POLE: variants seen among roughly 807,000 people sequenced by gnomAD.
The protein encoded by POLE is DNA polymerase epsilon, catalytic subunit.
A neutral mutation model predicts 279.2 loss-of-function variants in POLE; 188 were observed. The observed-to-expected ratio is 0.67, with a 90% CI of 0.60 to 0.76. The LOEUF (loss-of-function observed/expected upper bound fraction) is 0.76, where lower values mean the gene tolerates loss of function less well. POLE is among the 30% of genes least tolerant of loss of function. The pLI, the probability that POLE is intolerant of heterozygous loss-of-function variation, is 0.00. For synonymous variants in POLE, 1,214 were observed against 1,172.5 expected, an observed-to-expected ratio of 1.04 and a Z score of -0.72; for missense variants, 2,703 against 3,016.7, an observed-to-expected ratio of 0.90 and a Z score of 2.44.
At chr12:132,625,292 C>T (rs773587982) in intron 47 of POLE, 92 of 726,014 alleles carry the variant, frequency 1.3e-4, no homozygotes, top group Admixed American at 8.2e-4. Flanking sequence ...CACCACCACA[C>T]GGCAGCTTGG....
chr12:132,683,727 A>G (rs1035132075), intron 1 of POLE, among the ~76,000 whole-genome samples: 3 of 152,256 alleles, frequency 2.0e-5, no homozygotes, highest in African/African-American at 7.2e-5. Flanking sequence ...ACGGCCCTCT[A>G]TGCCAGTCCT....
In POLE at chr12:132,668,625, C is replaced by T. The variant is rs1282226694; in HGVS notation, c.2026+10G>A. 7 of 1,606,848 alleles carry T rather than the reference C, an allele frequency of 4.4e-6. No homozygotes were observed. The highest frequency in any genetic ancestry group is 2.2e-5 in the East Asian group (1 of 44,668). On this transcript the variant is annotated intron_variant, in intron 18 of 48. Coordinates refer to ENST00000320574, the MANE Select transcript of POLE (RefSeq NM_006231.4). The surrounding 1 kb of genome is among the most constrained non-coding windows in gnomAD (Gnocchi z 4.0). The stretch of plus-strand genomic sequence containing the variant: ...CCCACCGAGTGCCCACCCAGGCGGC[C>T]GACACTCACTGAACTCGCCCCTCCA...
At chr12:132,645,184 G>C (rs538016620) in intron 32 of POLE, among the ~76,000 whole-genome samples, 31 of 102,328 alleles carry the variant, frequency 3.0e-4, no homozygotes, top group African/African-American at 1.1e-3. Flanking sequence ...GGGTCTGGGA[G>C]AGCTGGAGAG....
In POLE at chr12:132,661,853, G is replaced by A. The variant is rs1359261814; in HGVS notation, c.2707-169C>T. ...AAGTTCTGATGCATGCAACCAAGTG[G>A]TGAAACTCAGGTGTATCTGTTAGGT... On this transcript the variant is annotated intron_variant, in intron 23 of 48. Coordinates refer to ENST00000320574, the MANE Select transcript of POLE (RefSeq NM_006231.4). This position sits in a 1 kb window ranked among gnomAD's most constrained non-coding sequence, Gnocchi z 4.1. Among the ~76,000 whole-genome samples the A allele has an allele frequency of 6.6e-6, 1 of 152,212 alleles. No individual in the cohort carries two copies. The highest frequency in any genetic ancestry group is 2.4e-5 in the African/African-American group (1 of 41,450).
Position 132,634,466 on chromosome 12 carries a change from G to A in POLE, c.5812-88C>T. Reference sequence around the variant, plus strand: ...GCCACAGCGAAGGCTCCTCCAACCTGGGTCCATCTGCCCCGTTTGACCAGA... The same window carrying A: ...GCCACAGCGAAGGCTCCTCCAACCTAGGTCCATCTGCCCCGTTTGACCAGA... On this transcript the variant is annotated intron_variant, in intron 42 of 48. Coordinates refer to ENST00000320574, the MANE Select transcript of POLE (RefSeq NM_006231.4). The surrounding 1 kb of genome is among the most constrained non-coding windows in gnomAD (Gnocchi z 4.0). The A allele has an allele frequency of 7.7e-7, 1 of 1,306,096 alleles. No individual in the cohort carries two copies. The highest frequency in any genetic ancestry group is 1.1e-6 in the Non-Finnish European group (1 of 928,382). 80.9% of individuals were successfully genotyped at this position (1,306,096 alleles called of 1,614,324 possible).
In POLE at chr12:132,632,807, C is replaced by T. The variant is rs1593709333; in HGVS notation, c.6005-12G>A. ...GGCCACGATGTACGCTGTGGAGAGG[C>T]ACACACACCACAGGCCCTGAGTCGG... On this transcript the variant is annotated splice_polypyrimidine_tract_variant and intron_variant, in intron 43 of 48. Transcript: ENST00000320574. 1 of 1,593,132 alleles carries T rather than the reference C, an allele frequency of 6.3e-7. No individual in the cohort carries two copies. Among genetic ancestry groups the T allele is most frequent in the Non-Finnish European group, 8.5e-7 (1 of 1,171,670 alleles).
intron 41 of POLE, 144 bp downstream of exon 41, chr12:132,637,870 C>T: frequency 1.2e-6 from 1 of 859,070 alleles, no homozygotes; most frequent in Non-Finnish European, 1.7e-6. Context: ...ACCCCCTTTT[C>T]ACGCTGCTCA....
intron 40 of POLE, 91 bp from the exon 41 acceptor site, chr12:132,638,230 G>A (rs1251865171): frequency 8.0e-7 from 1 of 1,251,420 alleles, no homozygotes; most frequent in East Asian, 2.5e-5. Flanking sequence ...AAAGAGCTGA[G>A]GGTCCTGAAG....
chr12:132,651,838 G>A (rs1365784259), intron 29 of POLE, among the ~76,000 whole-genome samples: 4 of 152,370 alleles, frequency 2.6e-5, no homozygotes, highest in African/African-American at 4.8e-5. Context: ...AGGAGGAACC[G>A]AGTCCTGCCA....
rs533076777 is a variant in POLE, at chr12:132,639,568, G to A, written c.5379-270C>T. Reference sequence around the variant, plus strand: ...AACTCTGTGTGTTCTAAAGCAGGACGGGAGGGCAGCACAGTACAAAGCAGC... The same window carrying A: ...AACTCTGTGTGTTCTAAAGCAGGACAGGAGGGCAGCACAGTACAAAGCAGC... On this transcript the variant is annotated intron_variant, in intron 39 of 48. Coordinates refer to ENST00000320574, the MANE Select transcript of POLE (RefSeq NM_006231.4). The surrounding 1 kb of genome is among the most constrained non-coding windows in gnomAD (Gnocchi z 4.7). Among the ~76,000 whole-genome samples the A allele has an allele frequency of 1.3e-4, 20 of 151,698 alleles. No homozygotes were observed. Among genetic ancestry groups the A allele is most frequent in the Non-Finnish European group, 2.6e-4 (18 of 67,980 alleles).
intron 35 of POLE, 89 bp downstream of exon 35, chr12:132,643,135 A>G: frequency 6.7e-7 from 1 of 1,491,388 alleles, no homozygotes; most frequent in Non-Finnish European, 9.2e-7. Context: ...TGAGGACAAG[A>G]CCTGGAGGGC....
Position 132,675,170 on chromosome 12 carries a change from G to A in POLE, c.1226+228C>T, listed in dbSNP as rs1288634323. 6.6e-6 allele frequency among the ~76,000 whole-genome samples: 1 copy of A among 152,204 alleles called. No individual in the cohort carries two copies. The highest frequency in any genetic ancestry group is 2.4e-5 in the African/African-American group (1 of 41,448). ...TTTCCAGCGGCTTCCCCACCCCAGA[G>A]GCTGATGCTCAATGTGCCTGGTCAC... On this transcript the variant is annotated intron_variant, in intron 12 of 48. Coordinates refer to ENST00000320574, the MANE Select transcript of POLE (RefSeq NM_006231.4). The surrounding 1 kb of genome is among the most constrained non-coding windows in gnomAD (Gnocchi z 4.3).
At position 132,637,938 on chromosome 12, in the gene POLE, G is replaced by A; in HGVS notation, c.5678+76C>T. The stretch of plus-strand genomic sequence containing the variant: ...ACCTCCCAGCCCACCCAGGAGGAGA[G>A]CTGGCACCTCAGGGGGTCATTTTAG... On this transcript the variant is annotated intron_variant, in intron 41 of 48. Coordinates refer to ENST00000320574, the MANE Select transcript of POLE (RefSeq NM_006231.4). The A allele has an allele frequency of 4.5e-6, 7 of 1,540,502 alleles. No homozygotes were observed. The South Asian group carries it at 8.2e-5, about 18-fold the overall frequency.
intron 42 of POLE, 77 bp downstream of exon 42, chr12:132,635,815 C>A (rs2042020103): frequency 6.6e-7 from 1 of 1,509,682 alleles, no homozygotes; most frequent in Non-Finnish European, 9.0e-7. Context: ...CGCCGGGGCC[C>A]TGAGCACTCA....
Position 132,625,019 on chromosome 12 carries a change from C to T in POLE, c.6658-25G>A, listed in dbSNP as rs5745080. Reference sequence around the variant, plus strand: ...CCTGAAAGGGAGCAGCCCCGATGGGCGCCAGCCCTCCCGCGCTGGCCAGAC... The same window carrying T: ...CCTGAAAGGGAGCAGCCCCGATGGGTGCCAGCCCTCCCGCGCTGGCCAGAC... On this transcript the variant is annotated intron_variant, in intron 47 of 48. Coordinates refer to ENST00000320574, the MANE Select transcript of POLE (RefSeq NM_006231.4). The T allele has an allele frequency of 2.1e-3, 3,404 of 1,588,954 alleles. 67 individuals carry two copies. The African/African-American group carries it at 0.039, about 18-fold the overall frequency.
chr12:132,644,118 T>C, intron 32 of POLE, 141 bp from the exon 33 acceptor site: 1 of 696,256 alleles, frequency 1.4e-6, no homozygotes, highest in East Asian at 2.6e-5. Flanking sequence ...ACAGTCCACC[T>C]CTCTCAATGA....
chr12:132,677,426 G>A lies in POLE; in HGVS notation c.738C>T (p.Val246=). ...CCGGAAAAGCATTTCCTCGGTATCT[G>A]ACATTGTACCAATGAGCCTGCAAAA... ...LKIHVAHWYN[V]RYRGNAFPVE... Residue 246 remains valine, a synonymous_variant, in exon 8 of 49, where the codon GTC becomes GTT. Coordinates refer to ENST00000320574, the MANE Select transcript of POLE (RefSeq NM_006231.4). 1.2e-6 allele frequency: 2 copies of A among 1,613,900 alleles called. No homozygotes were observed. The highest frequency in any genetic ancestry group is 1.7e-6 in the Non-Finnish European group (2 of 1,179,838).
At chr12:132,635,071 C>T (rs750067626) in intron 42 of POLE, among the ~76,000 whole-genome samples, 3 of 152,152 alleles carry the variant, frequency 2.0e-5, no homozygotes, top group Non-Finnish European at 2.9e-5. Context: ...CCACAGCTTC[C>T]TCTCAGTCCA....
In POLE at chr12:132,661,786, C is replaced by T; in HGVS notation, c.2707-102G>A. The T allele has an allele frequency of 8.4e-7, 1 of 1,184,828 alleles. No individual in the cohort carries two copies. The highest frequency in any genetic ancestry group is 1.2e-6 in the Non-Finnish European group (1 of 835,474). The allele number at this position is 1,184,828 out of a possible 1,614,324, so 73.4% of individuals were successfully genotyped here. ...GAGTGGATGGATTGACAAACCGAGGCTTTTCCACATAACTAACACGACTTG... is the reference window on the plus strand; with the variant it reads ...GAGTGGATGGATTGACAAACCGAGGTTTTTCCACATAACTAACACGACTTG... On this transcript the variant is annotated intron_variant, in intron 23 of 48. Transcript: ENST00000320574. This position sits in a 1 kb window ranked among gnomAD's most constrained non-coding sequence, Gnocchi z 4.1.
Sources: allele counts gnomAD v4.1 joint callset (sites outside exome capture counted in the v4.1 genomes callset), GRCh38; gene constraint gnomAD v4.1.1; non-coding constraint Gnocchi (gnomAD v3.1); transcripts MANE v1.5; gene names NCBI Gene and HGNC (gene_info 2026-07-23, HGNC 2026-07-21).